TASP1: variants seen among roughly 807,000 people sequenced by gnomAD.
TASP1 encodes taspase 1.
A neutral mutation model predicts 56.6 loss-of-function variants in TASP1; 16 were observed. The ratio of observed to expected loss-of-function variants is 0.28; its 90% CI spans 0.19 to 0.43. The LOEUF (loss-of-function observed/expected upper bound fraction) is 0.43, where lower values mean the gene tolerates loss of function less well. TASP1 is among the 20% of genes least tolerant of loss of function. The probability of loss-of-function intolerance (pLI) is 1.00; values close to 1 mark genes in which losing one functional copy is unlikely to be tolerated. For synonymous variants in TASP1, 179 were observed against 184.2 expected, an observed-to-expected ratio of 0.97 and a Z score of 0.23; for missense variants, 393 against 511.6, an observed-to-expected ratio of 0.77 and a Z score of 2.24.
the TASP1 span, among the ~76,000 whole-genome samples, chr20:13,222,403 T>A: frequency 4.9e-4 from 74 of 152,110 alleles, no homozygotes; most frequent in South Asian, 1.7e-3. Flanking sequence ...AGGACATAAT[T>A]TCCCAAGGAG....
the TASP1 span, among the ~76,000 whole-genome samples, chr20:13,367,772 T>C: frequency 2.2e-4 from 34 of 152,218 alleles, no homozygotes; most frequent in African/African-American, 8.0e-4. Context: ...TATGAACTGA[T>C]TTTTTTAAAG....
chr20:13,618,281 C>G (rs536205184), intron 4 of TASP1, among the ~76,000 whole-genome samples: 1 of 151,956 alleles, frequency 6.6e-6, no homozygotes, highest in African/African-American at 2.4e-5. Context: ...GGTGTGGTGG[C>G]GCACGCCTGT....
chr20:13,433,841 T>TAAAAAAAAAAAAA (rs111973613), intron 12 of TASP1, among the ~76,000 whole-genome samples: 4 of 116,188 alleles, frequency 3.4e-5, no homozygotes, highest in African/African-American at 1.3e-4. Context: ...GTGTTTGTAT[T>TAAAAAAAAAAAAA]AAAAAAAAAA....
the TASP1 span, among the ~76,000 whole-genome samples, chr20:13,308,234 G>A: frequency 2.6e-5 from 4 of 152,128 alleles, no homozygotes; most frequent in African/African-American, 9.7e-5. Context: ...TGGCCCAGTG[G>A]GGGTGTCTGT....
chr20:13,497,775 TA>T (rs1322387189), intron 10 of TASP1, among the ~76,000 whole-genome samples: 1 of 152,062 alleles, frequency 6.6e-6, no homozygotes, highest in African/African-American at 2.4e-5. Context: ...ATGGTACTGG[TA>T]AAAAAACAGA....
the TASP1 span, among the ~76,000 whole-genome samples, chr20:13,172,060 A>C: frequency 6.6e-6 from 1 of 152,118 alleles, no homozygotes; most frequent in Non-Finnish European, 1.5e-5. Flanking sequence ...AAAAAAATAG[A>C]AAACATGAGA....
intron 10 of TASP1, among the ~76,000 whole-genome samples, chr20:13,519,582 T>C (rs1036590776): frequency 1.3e-5 from 2 of 152,142 alleles, no homozygotes; most frequent in African/African-American, 2.4e-5. Flanking sequence ...CCCTTCATGC[T>C]AAAAACTCTC....
the TASP1 span, among the ~76,000 whole-genome samples, chr20:13,209,679 TA>T: frequency 1.1e-4 from 17 of 152,122 alleles, no homozygotes; most frequent in Admixed American, 6.6e-4. Flanking sequence ...TAACATTATC[TA>T]AAAAAAATCT....
At chr20:13,543,143 C>T (rs1376093280) in intron 8 of TASP1, among the ~76,000 whole-genome samples, 2 of 152,094 alleles carry the variant, frequency 1.3e-5, no homozygotes, top group South Asian at 2.1e-4. Flanking sequence ...CAACACTAGC[C>T]TCATCTCTCT....
the TASP1 span, among the ~76,000 whole-genome samples, chr20:13,277,557 C>T: frequency 6.6e-6 from 1 of 152,172 alleles, no homozygotes; most frequent in East Asian, 1.9e-4. Context: ...TCCCTGTTAC[C>T]ATTACTCTCC....
At chr20:13,620,301 T>C (rs9679936) in intron 4 of TASP1, among the ~76,000 whole-genome samples, 165 of 105,294 alleles carry the variant, frequency 1.6e-3, no homozygotes, top group African/African-American at 8.3e-3. Flanking sequence ...CACACACACA[T>C]ACATATACAC....
the TASP1 span, among the ~76,000 whole-genome samples, chr20:13,176,185 T>C: frequency 6.6e-6 from 1 of 152,208 alleles, no homozygotes; most frequent in African/African-American, 2.4e-5. Context: ...GATCAGGTCA[T>C]CTGCAAACAG....
intron 12 of TASP1, among the ~76,000 whole-genome samples, chr20:13,433,922 A>C (rs1340340300): frequency 1.3e-5 from 2 of 152,104 alleles, no homozygotes; most frequent in African/African-American, 2.4e-5. Flanking sequence ...CAGCAATGAA[A>C]ATGTACAAAC....
intron 13 of TASP1, chr20:13,393,420 G>A: frequency 3.9e-6 from 3 of 768,660 alleles, no homozygotes; most frequent in East Asian, 2.6e-5. Flanking sequence ...CTACCGTCTG[G>A]AGAAACCTGC....
the TASP1 span, among the ~76,000 whole-genome samples, chr20:13,261,436 A>G: frequency 6.6e-6 from 1 of 152,084 alleles, no homozygotes; most frequent in South Asian, 2.1e-4. Flanking sequence ...AAAAAAAAAA[A>G]AAAGAAAAAA....
the TASP1 span, among the ~76,000 whole-genome samples, chr20:13,333,639 GGTT>G: frequency 6.6e-6 from 1 of 152,164 alleles, no homozygotes; most frequent in East Asian, 1.9e-4. Flanking sequence ...GCCACAATGG[GGTT>G]GTTGTTCATG....
At chr20:13,560,646 A>G (rs1209566866) in intron 7 of TASP1, among the ~76,000 whole-genome samples, 1 of 152,200 alleles carries the variant, frequency 6.6e-6, no homozygotes, top group Non-Finnish European at 1.5e-5. Flanking sequence ...AAGGTAGAGA[A>G]AAAGAAAGAA....
the TASP1 span, among the ~76,000 whole-genome samples, chr20:13,286,987 G>C: frequency 2.0e-5 from 3 of 152,236 alleles, no homozygotes; most frequent in Admixed American, 6.5e-5. Flanking sequence ...ACTGCAGAAA[G>C]AATCACGCTT....
At chr20:13,139,299 A>G in the TASP1 span, among the ~76,000 whole-genome samples, 3 of 152,220 alleles carry the variant, frequency 2.0e-5, no homozygotes, top group Non-Finnish European at 4.4e-5. Flanking sequence ...AATTTTCCAT[A>G]GTATCCTTCT....
Sources: allele counts gnomAD v4.1 joint callset (sites outside exome capture counted in the v4.1 genomes callset), GRCh38; gene constraint gnomAD v4.1.1; transcripts MANE v1.5; gene names NCBI Gene and HGNC (gene_info 2026-07-23, HGNC 2026-07-21).